The following CAST variants were observed in gnomAD, a reference collection of about 807,000 sequenced individuals.
CAST encodes MIR583 host.
Under a neutral mutation model 119.6 loss-of-function variants are expected in CAST, and 76 were observed. The observed-to-expected ratio is 0.64, with a 90% CI of 0.53 to 0.77. CAST has a LOEUF of 0.77. Among genes scored for constraint, CAST ranks in the 30% least tolerant of loss-of-function variants. The probability of loss-of-function intolerance (pLI) is 0.00; values close to 1 mark genes in which losing one functional copy is unlikely to be tolerated. For synonymous variants in CAST, 319 were observed against 331.6 expected (o/e 0.96, Z 0.41); for missense variants, 953 against 946.5 (o/e 1.01, Z -0.09).
chr5:96,399,183 G>T, the CAST span: 2 of 652,244 alleles, frequency 3.1e-6, no homozygotes, highest in Non-Finnish European at 5.4e-6. Flanking sequence ...TCAGAATTAT[G>T]TATACATGAA....
chr5:96,091,350 G>T, the CAST span, among the ~76,000 whole-genome samples: 1 of 151,444 alleles, frequency 6.6e-6, no homozygotes, highest in Non-Finnish European at 1.5e-5. Flanking sequence ...TTACAGTCAC[G>T]CGCCACCATG....
At chr5:96,410,895 C>T in the CAST span, 1 of 1,613,196 alleles carries the variant, frequency 6.2e-7, no homozygotes, top group Admixed American at 1.7e-5. Context: ...GGTGTAGATG[C>T]TGTCTGTGTA....
intron 1 of CAST, among the ~76,000 whole-genome samples, chr5:96,656,298 T>C (rs1387577038): frequency 2.0e-5 from 3 of 152,202 alleles, no homozygotes; most frequent in Non-Finnish European, 4.4e-5. Context: ...GGTTAACAAA[T>C]AACAGAAAAA....
intron 1 of CAST, among the ~76,000 whole-genome samples, chr5:96,587,402 C>T (rs1179103543): frequency 6.6e-6 from 1 of 152,188 alleles, no homozygotes; most frequent in African/African-American, 2.4e-5. Flanking sequence ...TCCTGATTTC[C>T]TGACTAATGC....
chr5:95,970,213 C>G, the CAST span: 1 of 152,220 alleles, frequency 6.6e-6, no homozygotes, highest in African/African-American at 2.4e-5. Context: ...ATGTGTTGAC[C>G]TTGCTTACCT....
the CAST span, among the ~76,000 whole-genome samples, chr5:96,326,868 C>T: frequency 6.6e-6 from 1 of 152,114 alleles, no homozygotes; most frequent in African/African-American, 2.4e-5. Flanking sequence ...TTTTAGGTTT[C>T]AACACTGATT....
chr5:96,616,170 T>A (rs1747452565), intron 1 of CAST, among the ~76,000 whole-genome samples: 1 of 152,220 alleles, frequency 6.6e-6, no homozygotes, highest in Admixed American at 6.5e-5. Context: ...CCCTCACAGA[T>A]ACACCCAGGA....
chr5:96,008,927 A>G, the CAST span, among the ~76,000 whole-genome samples: 1 of 152,198 alleles, frequency 6.6e-6, no homozygotes, highest in African/African-American at 2.4e-5. Context: ...TCATCCAGGT[A>G]GTGAGCATAG....
At chr5:96,424,053 A>G in the CAST span, among the ~76,000 whole-genome samples, 3 of 151,984 alleles carry the variant, frequency 2.0e-5, no homozygotes, top group Non-Finnish European at 2.9e-5. Context: ...TTTAAAATAC[A>G]TTTTCTGATA....
At chr5:96,323,472 A>T in the CAST span, among the ~76,000 whole-genome samples, 1 of 152,226 alleles carries the variant, frequency 6.6e-6, no homozygotes, top group South Asian at 2.1e-4. Flanking sequence ...ATCTGGTTAC[A>T]AGTATCGGGA....
intron 1 of CAST, among the ~76,000 whole-genome samples, chr5:96,649,261 T>C (rs535128880): frequency 1.4e-4 from 21 of 152,332 alleles, no homozygotes; most frequent in African/African-American, 4.8e-4. Context: ...CCTTGGTTTC[T>C]GACAAGGACA....
At chr5:96,111,759 G>A in the CAST span, among the ~76,000 whole-genome samples, 1 of 152,160 alleles carries the variant, frequency 6.6e-6, no homozygotes, top group African/African-American at 2.4e-5. Context: ...ACTGATGGGA[G>A]TCAAGGTTAT....
At chr5:96,308,151 C>T in the CAST span, among the ~76,000 whole-genome samples, 1 of 152,084 alleles carries the variant, frequency 6.6e-6, no homozygotes, top group East Asian at 1.9e-4. Flanking sequence ...TTGTTCATTT[C>T]TTTTCACTCT....
the CAST span, among the ~76,000 whole-genome samples, chr5:96,178,023 A>T: frequency 5.3e-3 from 801 of 152,346 alleles, 8 homozygotes; most frequent in African/African-American, 0.018. Context: ...TTGTATACCA[A>T]CACAACCAAG....
chr5:96,323,660 C>CT, the CAST span, among the ~76,000 whole-genome samples: 1 of 152,086 alleles, frequency 6.6e-6, no homozygotes, highest in African/African-American at 2.4e-5. Context: ...AAAATGACCA[C>CT]TTATTGTTCT....
the CAST span, among the ~76,000 whole-genome samples, chr5:96,371,211 G>A: frequency 6.6e-6 from 1 of 152,160 alleles, no homozygotes; most frequent in Non-Finnish European, 1.5e-5. Context: ...CATTTCCATA[G>A]CTCATTATGT....
the CAST span, chr5:96,433,390 G>T: frequency 2.7e-6 from 1 of 372,546 alleles, no homozygotes; most frequent in East Asian, 6.4e-5. Context: ...AAAATAAGCA[G>T]CCAGGGATTA....
At chr5:96,402,537 C>G in the CAST span, among the ~76,000 whole-genome samples, 2 of 152,174 alleles carry the variant, frequency 1.3e-5, no homozygotes, top group Admixed American at 6.5e-5. Flanking sequence ...CTCCCCGCCT[C>G]ACACCTCAGA....
At chr5:96,024,800 T>C in the CAST span, among the ~76,000 whole-genome samples, 1 of 152,194 alleles carries the variant, frequency 6.6e-6, no homozygotes, top group Non-Finnish European at 1.5e-5. Context: ...GAAGTGCATA[T>C]TTTTTCCTTC....
Sources: gnomAD v4.1 joint callset for allele counts (sites outside exome capture counted in the v4.1 genomes callset) on GRCh38, gnomAD v4.1.1 for gene constraint, MANE v1.5 for transcripts, NCBI Gene and HGNC (gene_info 2026-07-23, HGNC 2026-07-21) for gene names.